Variants in AP1S3 observed in about 807,000 individuals in gnomAD.
AP1S3 encodes adaptor related protein complex 1 subunit sigma 3.
Under a neutral mutation model 20.9 loss-of-function variants are expected in AP1S3, and 10 were observed. The ratio of observed to expected loss-of-function variants is 0.48; its 90% CI spans 0.29 to 0.81. The LOEUF (loss-of-function observed/expected upper bound fraction) is 0.81, where lower values mean the gene tolerates loss of function less well. Ranked by LOEUF, AP1S3 falls within the 30% of genes least tolerant of loss-of-function variation. AP1S3 has a pLI of 0.08. For synonymous variants in AP1S3, 41 were observed against 61.5 expected (o/e 0.67, Z 1.56); for missense variants, 154 against 183.8 (o/e 0.84, Z 0.94).
intron 1 of AP1S3, 149 bp from the exon 2 acceptor site, chr2:223,778,018 G>A (rs1413348819): frequency 3.3e-5 from 21 of 628,566 alleles, no homozygotes; most frequent in Non-Finnish European, 5.1e-5. Flanking sequence ...TATCTCATCT[G>A]ACAAATTATA....
intron 1 of AP1S3, among the ~76,000 whole-genome samples, chr2:223,807,996 C>T (rs1691628186): frequency 6.8e-6 from 1 of 147,992 alleles, no homozygotes; most frequent in Non-Finnish European, 1.5e-5. Flanking sequence ...TTCAAGTGAT[C>T]CTCCCACCTC....
chr2:223,760,887 G>A (rs1690337779), intron 4 of AP1S3, among the ~76,000 whole-genome samples: 1 of 152,038 alleles, frequency 6.6e-6, no homozygotes, highest in Non-Finnish European at 1.5e-5. Flanking sequence ...TTGCAAAGTG[G>A]ACAAAAACCC....
intron 4 of AP1S3, among the ~76,000 whole-genome samples, chr2:223,760,300 T>A (rs1404023262): frequency 1.3e-5 from 2 of 152,174 alleles, no homozygotes; most frequent in Non-Finnish European, 2.9e-5. Context: ...GGGTATATGA[T>A]TCATGTGAAC....
intron 1 of AP1S3, among the ~76,000 whole-genome samples, chr2:223,819,904 T>A (rs16865233): frequency 0.17 from 24,637 of 147,550 alleles, 2,557 homozygotes; most frequent in East Asian, 0.41. Context: ...GAGTTCAGGA[T>A]AAATGGGATT....
At chr2:223,805,685 T>C (rs562242195) in intron 1 of AP1S3, among the ~76,000 whole-genome samples, 10 of 152,350 alleles carry the variant, frequency 6.6e-5, no homozygotes, top group African/African-American at 9.6e-5. Context: ...CTTATACGTC[T>C]TAACGTGTTT....
intron 1 of AP1S3, among the ~76,000 whole-genome samples, chr2:223,818,825 A>AGGGAAATT (rs1273499804): frequency 5.1e-4 from 77 of 152,164 alleles, no homozygotes; most frequent in African/African-American, 1.7e-3. Context: ...AAGTGCTGGG[A>AGGGAAATT]TTACAGGCAT....
rs546349812 is a variant in AP1S3, at chr2:223,829,847, A to G, written c.3+7601T>C. ...GTGAGACTCCATCTCAAAAAAAAAC[A>G]AAAAAAAAACAAAAAAACACAGCTC... On this transcript the variant is annotated intron_variant, in intron 1 of 4. Coordinates refer to ENST00000396654, the MANE Select transcript of AP1S3 (RefSeq NM_001039569.2). Among the ~76,000 whole-genome samples the G allele has an allele frequency of 6.8e-3, 832 of 123,236 alleles. 8 individuals are homozygous for G. Among genetic ancestry groups the G allele is most frequent in the African/African-American group, 0.026 (796 of 30,326 alleles). 80.8% of individuals were successfully genotyped at this position (123,236 alleles called of 152,430 possible).
intron 1 of AP1S3, among the ~76,000 whole-genome samples, chr2:223,830,761 T>C (rs1052010447): frequency 2.0e-5 from 3 of 152,174 alleles, no homozygotes; most frequent in African/African-American, 7.2e-5. Context: ...CAGAATCTCT[T>C]GTGCACTTAT....
chr2:223,775,193 G>C (rs1438551042), intron 3 of AP1S3, among the ~76,000 whole-genome samples: 1 of 152,224 alleles, frequency 6.6e-6, no homozygotes, highest in Non-Finnish European at 1.5e-5. Context: ...GCAGAGTAAA[G>C]ATGGACCCAT....
At chr2:223,795,762 A>G (rs1002026568) in intron 1 of AP1S3, among the ~76,000 whole-genome samples, 9 of 152,348 alleles carry the variant, frequency 5.9e-5, no homozygotes, top group African/African-American at 2.2e-4. Flanking sequence ...CAAAATAGGA[A>G]AAACAATGAT....
At chr2:223,764,089 T>C (rs530610080) in intron 4 of AP1S3, among the ~76,000 whole-genome samples, 1 of 152,112 alleles carries the variant, frequency 6.6e-6, no homozygotes, top group Non-Finnish European at 1.5e-5. Context: ...CGGCTAATTT[T>C]TGTGTTGTTA....
chr2:223,773,422 A>G, intron 3 of AP1S3: 1 of 1,261,538 alleles, frequency 7.9e-7, no homozygotes. Context: ...ATTAAATAAT[A>G]TGTTTGAAAA....
chr2:223,823,018 T>C (rs1692028035), intron 1 of AP1S3, among the ~76,000 whole-genome samples: 1 of 151,860 alleles, frequency 6.6e-6, no homozygotes, highest in South Asian at 2.1e-4. Flanking sequence ...CATCTGGAAA[T>C]GCAAATTAAG....
intron 1 of AP1S3, among the ~76,000 whole-genome samples, chr2:223,797,694 G>A (rs755984984): frequency 1.7e-4 from 26 of 152,010 alleles, no homozygotes; most frequent in African/African-American, 3.4e-4. Flanking sequence ...TGAACCCGGG[G>A]GGCAGGGGTT....
At chr2:223,775,010 C>T (rs1574693243) in intron 3 of AP1S3, among the ~76,000 whole-genome samples, 2 of 23,908 alleles carry the variant, frequency 8.4e-5, no homozygotes, top group Middle Eastern at 0.02. Context: ...ACCAAGGAGG[C>T]GCTTCAGAAA....
chr2:223,829,965 T>C (rs1382741005), intron 1 of AP1S3, among the ~76,000 whole-genome samples: 1 of 152,152 alleles, frequency 6.6e-6, no homozygotes, highest in Non-Finnish European at 1.5e-5. Context: ...GCCTAAAATA[T>C]TTACTATCTG....
At chr2:223,781,358 TA>T (rs36040825) in intron 1 of AP1S3, among the ~76,000 whole-genome samples, 2 of 151,698 alleles carry the variant, frequency 1.3e-5, no homozygotes, top group East Asian at 3.9e-4. Flanking sequence ...TCAGCAGCTT[TA>T]AAAAAAATCA....
At chr2:223,813,907 T>C (rs150950629) in intron 1 of AP1S3, among the ~76,000 whole-genome samples, 9 of 152,296 alleles carry the variant, frequency 5.9e-5, no homozygotes, top group South Asian at 2.1e-4. Flanking sequence ...AATAAGCACA[T>C]GTCCTATTCC....
intron 4 of AP1S3, among the ~76,000 whole-genome samples, chr2:223,761,530 T>A (rs1395984063): frequency 6.6e-6 from 1 of 152,152 alleles, no homozygotes. Flanking sequence ...GCTCAAGTGA[T>A]CCTTTCACCT....
Sources: gnomAD v4.1 joint callset for allele counts (sites outside exome capture counted in the v4.1 genomes callset) on GRCh38, gnomAD v4.1.1 for gene constraint, MANE v1.5 for transcripts, NCBI Gene and HGNC (gene_info 2026-07-23, HGNC 2026-07-21) for gene names.